Variants in SLC7A4 observed in about 807,000 individuals in gnomAD.
SLC7A4 encodes the protein solute carrier family 7 member 4.
In SLC7A4, 30 loss-of-function variants were observed where a neutral mutation model predicts 37.8. The ratio of observed to expected loss-of-function variants is 0.79; its 90% CI spans 0.59 to 1.08. The LOEUF is 1.08. Among genes scored for constraint, SLC7A4 ranks in the 50% least tolerant of loss-of-function variants. The pLI, the probability that SLC7A4 is intolerant of heterozygous loss-of-function variation, is 0.00. For synonymous variants in SLC7A4, 359 were observed against 376.5 expected (o/e 0.95, Z 0.54); for missense variants, 839 against 843.2 (o/e 1.00, Z 0.06).
In SLC7A4 at chr22:21,029,968, C is replaced by G; in HGVS notation, c.1366G>C (p.Gly456Arg). ...GGCCTCAGGGCTGGCTTCAGCTCCC[C>G]TGGCTCAGGGACGGAGGCGTGTACA... ...GTVHASVPEP[G>R]ELKPALRPYL... Residue 456 changes from glycine to arginine, a missense_variant, in exon 3 of 5, where the codon GGG (glycine) becomes CGG (arginine). Gly to Arg is a moderately radical substitution (Grantham distance 125). Transcript: ENST00000382932. 6.2e-7 allele frequency: 1 copy of G among 1,613,890 alleles called. No homozygotes were observed. The highest frequency in any genetic ancestry group is 8.5e-7 in the Non-Finnish European group (1 of 1,180,006).
At chr22:21,030,700 A>T in intron 2 of SLC7A4, 131 bp downstream of exon 2, 1 of 1,125,102 alleles carries the variant, frequency 8.9e-7, no homozygotes, top group Non-Finnish European at 1.2e-6. Flanking sequence ...AGTTTCTAAT[A>T]ATTAGCACTT....
Position 21,031,097 on chromosome 22 carries a change from G to A in SLC7A4, c.716C>T (p.Ala239Val). ...AGCATAGAAGCAGGAGGCAGTGCCG[G>A]CCATGACGCCGGAGAAGCCGAAGGG... is the stretch of plus-strand genomic sequence containing the variant. ...FAPFGFSGVM[A>V]GTASCFYAFV... The change falls in exon 2 of 5, where the codon GCC becomes GTC. Residue 239 changes from alanine to valine, a missense_variant. By Grantham distance (64) the Ala-to-Val change is moderately conservative. Transcript: ENST00000382932. 1.2e-6 allele frequency: 2 copies of A among 1,614,056 alleles called. No homozygotes were observed. The highest frequency in any genetic ancestry group is 1.7e-6 in the Non-Finnish European group (2 of 1,180,004).
At position 21,029,818 on chromosome 22, in the gene SLC7A4, G is replaced by T. The variant is rs776180634; in HGVS notation, c.1516C>A (p.Pro506Thr). 1.2e-6 allele frequency: 2 copies of T among 1,613,586 alleles called. No homozygotes were observed. The highest frequency in any genetic ancestry group is 2.7e-5 in the African/African-American group (2 of 74,936). ...AGCAGCAGGATGTAACCCCAGTGTGGGAGGTGCAGGGTCGAGTTCCCAAAG... is the reference window on the plus strand; with the variant it reads ...AGCAGCAGGATGTAACCCCAGTGTGTGAGGTGCAGGGTCGAGTTCCCAAAG... ...LVFGNSTLHLPHWGYILLLLL... is the reference protein window; with the variant it reads ...LVFGNSTLHLTHWGYILLLLL... The change falls in exon 3 of 5, where the codon CCA becomes ACA. Residue 506 changes from proline to threonine, a missense_variant. Coordinates refer to ENST00000382932, the MANE Select transcript of SLC7A4 (RefSeq NM_004173.3).
chr22:21,029,189 C>T lies in SLC7A4; in HGVS notation c.1774G>A (p.Glu592Lys), dbSNP rs759352013. 5.6e-6 allele frequency: 9 copies of T among 1,613,896 alleles called. No individual in the cohort carries two copies. In the East Asian group the frequency reaches 2.0e-4, roughly 36 times the overall value. The change falls in exon 5 of 5, where the codon GAG becomes AAG. Residue 592 changes from glutamate (E) to lysine (K), a missense_variant. Glu to Lys is a moderately conservative substitution (Grantham distance 56). Coordinates refer to ENST00000382932, the MANE Select transcript of SLC7A4 (RefSeq NM_004173.3). Reference protein sequence around the residue: ...YFGYGIRHSKENQRELPGLNS... With the variant: ...YFGYGIRHSKKNQRELPGLNS... ...AGCCCTGGCAGCTCCCGCTGGTTCT[C>T]CTTGCTATGCCGGATGCCATAGCCG...
rs778679400 is a variant in SLC7A4 at position 21,031,005 on chromosome 22, G to A, written c.808C>T (p.Leu270=). The change falls in exon 2 of 5, where the codon CTG becomes TTG. Residue 270 remains leucine, a synonymous_variant. Transcript: ENST00000382932. The part of the protein sequence containing the change: ...EAQNPRRSVP[L]AIAISLAIAA... ...ATGGCAAGCGAGATGGCGATGGCCA[G>A]AGGCACAGACCGCCGTGGGTTCTGG... is the stretch of plus-strand genomic sequence containing the variant. The A allele has an allele frequency of 6.2e-7, 1 of 1,614,150 alleles. No individual in the cohort carries two copies. Among genetic ancestry groups the A allele is most frequent in the Non-Finnish European group, 8.5e-7 (1 of 1,180,006 alleles).
chr22:21,029,236 C>T lies in SLC7A4; in HGVS notation c.1733-6G>A, dbSNP rs1189326922. 1.2e-6 allele frequency: 2 copies of T among 1,613,456 alleles called. No homozygotes were observed. Among genetic ancestry groups the T allele is most frequent in the Admixed American group, 3.3e-5 (2 of 59,982 alleles). On this transcript the variant is annotated splice_polypyrimidine_tract_variant and splice_region_variant and intron_variant, in intron 4 of 4. Coordinates refer to ENST00000382932, the MANE Select transcript of SLC7A4 (RefSeq NM_004173.3). ...GCCGAAATACACTGCAAGTCCTAGA[C>T]AGGGCAGGAGGCAGGGCATGAGCCT... is the stretch of plus-strand genomic sequence containing the variant.
In SLC7A4 at chr22:21,028,866, C is replaced by T. The variant is rs1268988623; in HGVS notation, c.*189G>A. 8 of 568,178 alleles carry T rather than the reference C, an allele frequency of 1.4e-5. No individual in the cohort carries two copies. Among genetic ancestry groups the T allele is most frequent in the Admixed American group, 6.3e-5 (2 of 31,800 alleles). 35.2% of individuals were successfully genotyped at this position (568,178 alleles called of 1,614,324 possible). On this transcript the variant is annotated 3_prime_UTR_variant, in exon 5 of 5. Transcript: ENST00000382932. Reference sequence around the variant, plus strand: ...CTGGGCAGAGTCCATGGCACCAGCACCAGCCAAGGCCCACTCCTGAAGACC... The same window carrying T: ...CTGGGCAGAGTCCATGGCACCAGCATCAGCCAAGGCCCACTCCTGAAGACC...
At position 21,029,485 on chromosome 22, in the gene SLC7A4, G is replaced by A. The variant is rs551167621; in HGVS notation, c.1624-41C>T. The stretch of plus-strand genomic sequence containing the variant: ...CAGGGCAGGGCTGGGCCGGGCTGCA[G>A]GAAAGATCTGCCAGCCCAGGGCTCA... On this transcript the variant is annotated intron_variant, in intron 3 of 4. Transcript: ENST00000382932. 3 of 1,466,374 alleles carry A rather than the reference G, an allele frequency of 2.0e-6. No homozygotes were observed. In the East Asian group the frequency reaches 6.8e-5, roughly 33 times the overall value. The allele number at this position is 1,466,374 out of a possible 1,614,324, so 90.8% of individuals were successfully genotyped here.
rs1569185416 is a variant in SLC7A4 at position 21,029,198 on chromosome 22, G to T, written c.1765C>A (p.His589Asn). ...LAVYFGYGIR[H>N]SKENQRELPG... ...AGCTCCCGCTGGTTCTCCTTGCTAT[G>T]CCGGATGCCATAGCCGAAATACACT... Residue 589 changes from histidine to asparagine, a missense_variant, in exon 5 of 5, where the codon CAT becomes AAT. Physicochemically the swap from His to Asn is moderately conservative, Grantham distance 68. Coordinates refer to ENST00000382932, the MANE Select transcript of SLC7A4 (RefSeq NM_004173.3). 1.2e-6 allele frequency: 2 copies of T among 1,613,836 alleles called. No homozygotes were observed. Among genetic ancestry groups the T allele is most frequent in the Admixed American group, 1.7e-5 (1 of 60,000 alleles).
In SLC7A4 at chr22:21,030,948, C is replaced by T. The variant is rs768507904; in HGVS notation, c.865G>A (p.Val289Met). Residue 289 changes from valine (V) to methionine (M), a missense_variant, in exon 2 of 5, where the codon GTG (valine) becomes ATG (methionine). Physicochemically the swap from Val to Met is conservative, Grantham distance 21 (BLOSUM62 1). Coordinates refer to ENST00000382932, the MANE Select transcript of SLC7A4 (RefSeq NM_004173.3). ...TGCCAGGGCACCATGAGGGTTAGCACGGTGGAGACAAGGATGTAGGCACCA... is the reference window on the plus strand; with the variant it reads ...TGCCAGGGCACCATGAGGGTTAGCATGGTGGAGACAAGGATGTAGGCACCA... ...AAGAYILVST[V>M]LTLMVPWHSL... 6.3e-5 allele frequency: 102 copies of T among 1,613,852 alleles called. No homozygotes were observed. The highest frequency in any genetic ancestry group is 3.2e-4 in the Admixed American group (19 of 59,974).
At position 21,029,149 on chromosome 22, in the gene SLC7A4, T is replaced by C. The variant is rs1458952486; in HGVS notation, c.1814A>G (p.Tyr605Cys). 6.2e-7 allele frequency: 1 copy of C among 1,613,962 alleles called. No homozygotes were observed. Residue 605 changes from tyrosine (Y) to cysteine (C), a missense_variant, in exon 5 of 5, where the codon TAC becomes TGC. Tyr to Cys is a radical substitution (Grantham distance 194). Transcript: ENST00000382932. ...CAGGCTGCCCCTGGGGAATACCACG[T>C]AGTGTGTGGAGTTCAGCCCTGGCAG... ...RELPGLNSTH[Y>C]VVFPRGSLEE...
At chr22:21,029,584 A>C in intron 3 of SLC7A4, 127 bp downstream of exon 3, 2 of 1,158,338 alleles carry the variant, frequency 1.7e-6, no homozygotes, top group Non-Finnish European at 2.5e-6. Context: ...ACCATGCAGA[A>C]AGGGGTGCGG....
intron 1 of SLC7A4, among the ~76,000 whole-genome samples, chr22:21,032,223 G>A (rs187088728): frequency 2.0e-5 from 3 of 152,270 alleles, no homozygotes; most frequent in East Asian, 1.9e-4. Context: ...CCCCAGAGTC[G>A]AGCCGGACCC....
chr22:21,030,925 C>A lies in SLC7A4; in HGVS notation c.888G>T (p.Trp296Cys). ...VSTVLTLMVPWHSLDPDSALA... is the reference protein window; with the variant it reads ...VSTVLTLMVPCHSLDPDSALA... ...GCGCTGAGTCGGGGTCCAGGCTGTG[C>A]CAGGGCACCATGAGGGTTAGCACGG... is the stretch of plus-strand genomic sequence containing the variant. Residue 296 changes from tryptophan to cysteine, a missense_variant, in exon 2 of 5, where the codon TGG becomes TGT. Transcript: ENST00000382932. 6.2e-7 allele frequency: 1 copy of A among 1,613,924 alleles called. No homozygotes were observed. Among genetic ancestry groups the A allele is most frequent in the South Asian group, 1.1e-5 (1 of 91,044 alleles).
Position 21,031,668 on chromosome 22 carries a change from C to T in SLC7A4, c.145G>A (p.Gly49Ser). ...ACGTAGAGACCCGAGCCCACCATGC[C>T]ACCCACGCCCAGAAGAGTCAGGTCC... The part of the protein sequence containing the change: ...TLDLTLLGVG[G>S]MVGSGLYVLT... The change falls in exon 2 of 5, where the codon GGC becomes AGC. Residue 49 changes from glycine to serine, a missense_variant. By Grantham distance (56) the Gly-to-Ser change is moderately conservative. Transcript: ENST00000382932. 1 of 1,613,396 alleles carries T rather than the reference C, an allele frequency of 6.2e-7. No individual in the cohort carries two copies. The highest frequency in any genetic ancestry group is 1.3e-5 in the African/African-American group (1 of 75,056).
chr22:21,030,875 C>G lies in SLC7A4; in HGVS notation c.938G>C (p.Gly313Ala), dbSNP rs779746054. The change falls in exon 2 of 5, where the codon GGC becomes GCC. Residue 313 changes from glycine to alanine, a missense_variant. Physicochemically the swap from Gly to Ala is moderately conservative, Grantham distance 60 (BLOSUM62 0). Coordinates refer to ENST00000382932, the MANE Select transcript of SLC7A4 (RefSeq NM_004173.3). ...CACGATGAAGCCAGCCCACCTGTAG[C>G]CCCGCTGGTAGAAGGCATCTGCAAG... ...SALADAFYQR[G>A]YRWAGFIVAA... is the part of the protein sequence containing the mutation. The G allele has an allele frequency of 1.9e-6, 3 of 1,610,144 alleles. 1 individual carries two copies. The highest frequency in any genetic ancestry group is 2.2e-5 in the South Asian group (2 of 90,396).
chr22:21,029,405 G>A lies in SLC7A4; in HGVS notation c.1663C>T (p.Leu555Phe), dbSNP rs1172173143. ...AGTTTCAGCATGAGGCAGATGTTGA[G>A]GACGATGCTCAGGGCTGGAATCAGG... ...VPLIPALSIV[L>F]NICLMLKLSY... is the part of the protein sequence containing the mutation. Residue 555 changes from leucine to phenylalanine, a missense_variant, in exon 4 of 5, where the codon CTC becomes TTC. Transcript: ENST00000382932. The A allele has an allele frequency of 6.2e-7, 1 of 1,613,744 alleles. No homozygotes were observed. Among genetic ancestry groups the A allele is most frequent in the Non-Finnish European group, 8.5e-7 (1 of 1,179,956 alleles).
chr22:21,030,424 A>G (rs1225343197), intron 2 of SLC7A4, 73 bp from the exon 3 acceptor site: 3 of 1,470,664 alleles, frequency 2.0e-6, no homozygotes, highest in Non-Finnish European at 2.8e-6. Flanking sequence ...GGGTCGGTGC[A>G]TGGGTGGCTC....
Position 21,031,796 on chromosome 22 carries a change from G to A in SLC7A4, c.17C>T (p.Pro6Leu). The A allele has an allele frequency of 6.6e-7, 1 of 1,511,428 alleles. No homozygotes were observed. Among genetic ancestry groups the A allele is most frequent in the Admixed American group, 2.2e-5 (1 of 45,306 alleles). 93.6% of individuals were successfully genotyped at this position (1,511,428 alleles called of 1,614,324 possible). The part of the protein sequence containing the change: MARGL[P>L]TIASLARLCQ... ...TAAGCGTGCCAGGCTAGCAATGGTG[G>A]GCAGCCCCCGGGCCATGGCAGGTGG... Residue 6 changes from proline (P) to leucine (L), a missense_variant, in exon 2 of 5, where the codon CCC (proline) becomes CTC (leucine). By Grantham distance (98) the Pro-to-Leu change is moderately conservative. Transcript: ENST00000382932.
Sources: allele counts gnomAD v4.1 joint callset (sites outside exome capture counted in the v4.1 genomes callset), GRCh38; gene constraint gnomAD v4.1.1; transcripts MANE v1.5; gene names NCBI Gene and HGNC (gene_info 2026-07-23, HGNC 2026-07-21).